Variants in SLC24A2 observed in about 807,000 individuals in gnomAD.
SLC24A2 encodes the protein sodium/potassium/calcium exchanger 2.
In SLC24A2, 36 loss-of-function variants were observed where a neutral mutation model predicts 62.0. That is an observed-to-expected ratio of 0.58 (90% CI 0.44 to 0.77). SLC24A2 has a LOEUF of 0.77. Among genes scored for constraint, SLC24A2 ranks in the 30% least tolerant of loss-of-function variants. The probability of loss-of-function intolerance (pLI) is 0.00; values close to 1 mark genes in which losing one functional copy is unlikely to be tolerated. For synonymous variants in SLC24A2, 358 were observed against 294.0 expected (o/e 1.22, Z -2.23); for missense variants, 846 against 817.9 (o/e 1.03, Z -0.42).
At chr9:19,535,869 T>C (rs1036002630) in intron 8 of SLC24A2, among the ~76,000 whole-genome samples, 1 of 152,082 alleles carries the variant, frequency 6.6e-6, no homozygotes, top group Non-Finnish European at 1.5e-5. Context: ...GTTTTTCCAA[T>C]TCTGTGAAGA....
the SLC24A2 span, among the ~76,000 whole-genome samples, chr9:19,880,867 A>G: frequency 1.3e-5 from 2 of 152,150 alleles, no homozygotes; most frequent in Non-Finnish European, 2.9e-5. Context: ...TAGAGGTATA[A>G]TTTGGGGGTC....
At chr9:19,686,074 A>C (rs1222554889) in intron 2 of SLC24A2, among the ~76,000 whole-genome samples, 1 of 152,166 alleles carries the variant, frequency 6.6e-6, no homozygotes, top group Admixed American at 6.6e-5. Flanking sequence ...ACAAGCAAAA[A>C]ACAACCCTAT....
chr9:19,916,746 AC>A, the SLC24A2 span, among the ~76,000 whole-genome samples: 1 of 151,960 alleles, frequency 6.6e-6, no homozygotes, highest in African/African-American at 2.4e-5. Context: ...CTAGAGCTGG[AC>A]ACGTAGGCTA....
At chr9:20,191,518 G>A in the SLC24A2 span, among the ~76,000 whole-genome samples, 2 of 151,872 alleles carry the variant, frequency 1.3e-5, no homozygotes, top group East Asian at 1.9e-4. Context: ...AAAGCATTCC[G>A]ACAGTATCTG....
At chr9:19,546,294 G>A (rs555895908) in intron 8 of SLC24A2, among the ~76,000 whole-genome samples, 2 of 152,320 alleles carry the variant, frequency 1.3e-5, no homozygotes, top group South Asian at 2.1e-4. Flanking sequence ...ACCTACAACC[G>A]CCCCTTCCGC....
At chr9:20,063,521 T>G in the SLC24A2 span, among the ~76,000 whole-genome samples, 1 of 148,672 alleles carries the variant, frequency 6.7e-6, no homozygotes, top group African/African-American at 2.5e-5. Context: ...AGGGATGGCA[T>G]TGGGAGATAT....
At chr9:20,192,055 G>C in the SLC24A2 span, among the ~76,000 whole-genome samples, 2 of 152,176 alleles carry the variant, frequency 1.3e-5, no homozygotes, top group African/African-American at 4.8e-5. Flanking sequence ...GCATGTGGAG[G>C]AAAGTGTGAA....
chr9:19,723,301 G>A (rs1217494665), intron 2 of SLC24A2, among the ~76,000 whole-genome samples: 1 of 152,022 alleles, frequency 6.6e-6, no homozygotes, highest in Non-Finnish European at 1.5e-5. Flanking sequence ...TTGTTGCACA[G>A]ATGTGAAGGA....
chr9:19,914,046 C>T, the SLC24A2 span, among the ~76,000 whole-genome samples: 2 of 152,036 alleles, frequency 1.3e-5, no homozygotes, highest in African/African-American at 2.4e-5. Context: ...GTTTTCAAAA[C>T]CAGAAACCTC....
intron 2 of SLC24A2, among the ~76,000 whole-genome samples, chr9:19,645,373 C>T (rs1404746316): frequency 1.3e-5 from 2 of 152,114 alleles, no homozygotes; most frequent in East Asian, 1.9e-4. Context: ...TAGTATGCTG[C>T]ATAGTTACAA....
the SLC24A2 span, among the ~76,000 whole-genome samples, chr9:20,103,796 C>G: frequency 2.0e-5 from 3 of 151,968 alleles, no homozygotes; most frequent in Non-Finnish European, 2.9e-5. Context: ...GAGCGCCCCT[C>G]CTCCTCCAAA....
the SLC24A2 span, among the ~76,000 whole-genome samples, chr9:19,833,570 G>A: frequency 6.6e-4 from 100 of 152,382 alleles, no homozygotes; most frequent in Non-Finnish European, 1.3e-3. Context: ...GGTAAACAAA[G>A]CAGCAGGGAA....
chr9:19,781,595 G>A (rs1381428198), intron 2 of SLC24A2, among the ~76,000 whole-genome samples: 1 of 152,132 alleles, frequency 6.6e-6, no homozygotes, highest in Non-Finnish European at 1.5e-5. Flanking sequence ...TTTAGGATAA[G>A]TAGAGGGAAA....
chr9:20,025,925 TG>T, the SLC24A2 span, among the ~76,000 whole-genome samples: 1 of 152,158 alleles, frequency 6.6e-6, no homozygotes, highest in East Asian at 1.9e-4. Context: ...CAATTTCTCT[TG>T]CCCCTAATAA....
At chr9:20,204,679 A>G in the SLC24A2 span, among the ~76,000 whole-genome samples, 3 of 152,116 alleles carry the variant, frequency 2.0e-5, no homozygotes, top group African/African-American at 7.2e-5. Context: ...TTACAATGAA[A>G]CAAATAAAAG....
chr9:19,931,892 A>G, the SLC24A2 span, among the ~76,000 whole-genome samples: 22 of 152,114 alleles, frequency 1.4e-4, no homozygotes, highest in African/African-American at 4.8e-4. Context: ...TACATTATAG[A>G]CTGAACTGGG....
At chr9:19,730,874 C>T (rs1157264001) in intron 2 of SLC24A2, among the ~76,000 whole-genome samples, 1 of 103,814 alleles carries the variant, frequency 9.6e-6, no homozygotes, top group African/African-American at 4.0e-5. Context: ...TCCTATAACT[C>T]TTAGGTTTTT....
the SLC24A2 span, among the ~76,000 whole-genome samples, chr9:20,190,223 A>T: frequency 6.6e-6 from 1 of 152,256 alleles, no homozygotes; most frequent in East Asian, 1.9e-4. Context: ...CAGGTAACTC[A>T]TTGACTATGC....
the SLC24A2 span, among the ~76,000 whole-genome samples, chr9:19,964,066 G>A: frequency 7.2e-5 from 11 of 151,962 alleles, no homozygotes; most frequent in Non-Finnish European, 1.6e-4. Flanking sequence ...CATGTCCTTT[G>A]TAGGGACATG....
Sources: allele counts gnomAD v4.1 joint callset (sites outside exome capture counted in the v4.1 genomes callset), GRCh38; gene constraint gnomAD v4.1.1; transcripts MANE v1.5; gene names NCBI Gene and HGNC (gene_info 2026-07-23, HGNC 2026-07-21).